Variants in EHD3 observed in about 807,000 individuals in gnomAD.
The protein encoded by EHD3 is EH domain containing 3, also known as EH domain-containing protein 3.
A neutral mutation model predicts 43.0 loss-of-function variants in EHD3; 17 were observed. That is an observed-to-expected ratio of 0.40 (90% CI 0.27 to 0.59). EHD3 has a LOEUF of 0.59. EHD3 is among the 20% of genes least tolerant of loss of function. The pLI, the probability that EHD3 is intolerant of heterozygous loss-of-function variation, is 0.49. For missense variants in EHD3, 594 were observed against 705.6 expected (o/e 0.84, Z 1.79); for synonymous variants, 313 against 289.5 (o/e 1.08, Z -0.82).
intron 1 of EHD3, among the ~76,000 whole-genome samples, chr2:31,235,800 C>T (rs192326259): frequency 4.2e-4 from 64 of 152,332 alleles, no homozygotes; most frequent in Non-Finnish European, 7.6e-4. Flanking sequence ...CCCTTCTTAT[C>T]TTTAGAGAAC....
intron 3 of EHD3, 91 bp downstream of exon 3, chr2:31,249,559 C>T (rs907619729): frequency 5.2e-6 from 6 of 1,150,838 alleles, no homozygotes; most frequent in African/African-American, 1.5e-5. Context: ...CACCCAGGGC[C>T]ATGCTGTCCC....
rs201490817 is a variant in EHD3 at position 31,266,593 on chromosome 2, C to G, written c.1497C>G (p.Asp499Glu). 6.2e-7 allele frequency: 1 copy of G among 1,614,118 alleles called. No homozygotes were observed. Among genetic ancestry groups the G allele is most frequent in the Non-Finnish European group, 8.5e-7 (1 of 1,180,030 alleles). ...ACAAGGATGGCATGCTGGACGACGA[C>G]GAGTTTGCACTGGCCAACCACCTCA... ...DIDKDGMLDDDEFALANHLIK... is the reference protein window; with the variant it reads ...DIDKDGMLDDEEFALANHLIK... Residue 499 changes from aspartate to glutamate, a missense_variant, in exon 6 of 6, where the codon GAC (aspartate) becomes GAG (glutamate). This residue lies in a region of EHD3 where 322 missense variants were observed against 348.0 expected (regional missense o/e 0.93). Coordinates refer to ENST00000322054, the MANE Select transcript of EHD3 (RefSeq NM_014600.3). This position sits in a 1 kb window ranked among gnomAD's most constrained non-coding sequence, Gnocchi z 5.1.
intron 1 of EHD3, among the ~76,000 whole-genome samples, chr2:31,242,496 C>T (rs1375667292): frequency 1.3e-5 from 2 of 152,182 alleles, no homozygotes; most frequent in Admixed American, 6.5e-5. Flanking sequence ...AATGAAATTG[C>T]CTAATACCCA....
At chr2:31,248,214 C>A (rs774797876) in intron 2 of EHD3, among the ~76,000 whole-genome samples, 7 of 152,212 alleles carry the variant, frequency 4.6e-5, no homozygotes, top group Non-Finnish European at 1.0e-4. Context: ...TGCTCCCCTT[C>A]CCTCGCTTCT....
chr2:31,264,943 AATTT>A (rs1040756273), intron 5 of EHD3, among the ~76,000 whole-genome samples: 39 of 152,260 alleles, frequency 2.6e-4, no homozygotes, highest in African/African-American at 8.7e-4. Context: ...TATTTAAAAA[AATTT>A]ATTTTTTACT....
chr2:31,244,720 A>G (rs991955983), intron 2 of EHD3, among the ~76,000 whole-genome samples: 4 of 152,148 alleles, frequency 2.6e-5, no homozygotes, highest in African/African-American at 7.2e-5. Flanking sequence ...CCCTGCACCT[A>G]CCCCTAGTAA....
chr2:31,255,417 CCA>C (rs1341028261), intron 3 of EHD3, among the ~76,000 whole-genome samples: 4 of 152,172 alleles, frequency 2.6e-5, no homozygotes, highest in Non-Finnish European at 4.4e-5. Context: ...CACAGCTCTA[CCA>C]CAGAGTCCTC....
intron 2 of EHD3, among the ~76,000 whole-genome samples, chr2:31,248,050 G>A (rs1683559889): frequency 6.6e-6 from 1 of 152,176 alleles, no homozygotes; most frequent in South Asian, 2.1e-4. Context: ...CGACAACAGG[G>A]AATGATGTTG....
chr2:31,260,289 T>G lies in EHD3; in HGVS notation c.503-221T>G, dbSNP rs559505938. ...TCTTCATAGTTCTATTAACTAGGTATTCATATTATTTTAGTATTTAACAGT... is the reference window on the plus strand; with the variant it reads ...TCTTCATAGTTCTATTAACTAGGTAGTCATATTATTTTAGTATTTAACAGT... On this transcript the variant is annotated intron_variant, in intron 3 of 5. Coordinates refer to ENST00000322054, the MANE Select transcript of EHD3 (RefSeq NM_014600.3). This position sits in a 1 kb window ranked among gnomAD's most constrained non-coding sequence, Gnocchi z 4.6. Among the ~76,000 whole-genome samples the G allele has an allele frequency of 9.8e-5, 15 of 152,348 alleles. No individual in the cohort carries two copies. The highest frequency in any genetic ancestry group is 3.4e-4 in the African/African-American group (14 of 41,568).
In EHD3 at chr2:31,243,420, T is replaced by TTTTCTTTC. The variant is rs751332290; in HGVS notation, c.228-818_228-811dup. 5.1e-3 allele frequency among the ~76,000 whole-genome samples: 687 copies of TTTTCTTTC among 135,488 alleles called. 23 individuals carry two copies. The highest frequency in any genetic ancestry group is 0.011 in the Middle Eastern group (3 of 274). 88.9% of individuals were successfully genotyped at this position (135,488 alleles called of 152,430 possible). A position where few individuals can be genotyped will look rare whatever the true frequency, so the allele number is the denominator to read the frequency against. On this transcript the variant is annotated intron_variant, in intron 1 of 5. Transcript: ENST00000322054. The stretch of plus-strand genomic sequence containing the variant: ...AGGGTAGGATAGGATGGAGATTCAT[T>TTTTCTTTC]TTTCTTTCTTTCTTTCTTTCTTTCT...
rs149497513 is a variant in EHD3, at chr2:31,238,907, G to T, written c.227+4059G>T. Among the ~76,000 whole-genome samples, 927 of 152,244 alleles carry T rather than the reference G, an allele frequency of 6.1e-3. 11 individuals carry two copies. Among genetic ancestry groups the T allele is most frequent in the African/African-American group, 0.021 (876 of 41,560 alleles). On this transcript the variant is annotated intron_variant, in intron 1 of 5. Transcript: ENST00000322054. Reference sequence around the variant, plus strand: ...GGGCCTGGGGCTGCAGAGCTAAGCTGCCCCGGGCTCCTTGGGGAGGCTGGG... The same window carrying T: ...GGGCCTGGGGCTGCAGAGCTAAGCTTCCCCGGGCTCCTTGGGGAGGCTGGG...
intron 1 of EHD3, among the ~76,000 whole-genome samples, chr2:31,242,080 C>A (rs926649376): frequency 6.6e-6 from 1 of 152,060 alleles, no homozygotes; most frequent in African/African-American, 2.4e-5. Flanking sequence ...GGCTGGCTGC[C>A]GAGGCTCCTC....
chr2:31,239,807 C>T lies in EHD3; in HGVS notation c.228-4467C>T, dbSNP rs577374545. ...AGCACCAGCTGTGCTCCAGGCACCGCGCATGGGGCTTTATCATTTCCTCTC... is the reference window on the plus strand; with the variant it reads ...AGCACCAGCTGTGCTCCAGGCACCGTGCATGGGGCTTTATCATTTCCTCTC... On this transcript the variant is annotated intron_variant, in intron 1 of 5. Transcript: ENST00000322054. Among the ~76,000 whole-genome samples the T allele has an allele frequency of 2.0e-5, 3 of 150,990 alleles. 1 individual carries two copies. The highest frequency in any genetic ancestry group is 7.3e-5 in the African/African-American group (3 of 40,888).
chr2:31,265,277 C>A (rs1683928629), intron 5 of EHD3, among the ~76,000 whole-genome samples: 1 of 152,188 alleles, frequency 6.6e-6, no homozygotes, highest in South Asian at 2.1e-4. Context: ...TAGCCGTTAT[C>A]ATTATCCGGT....
chr2:31,253,849 G>A (rs1683688266), intron 3 of EHD3, among the ~76,000 whole-genome samples: 1 of 152,280 alleles, frequency 6.6e-6, no homozygotes, highest in South Asian at 2.1e-4. Context: ...AGACAGGGAG[G>A]TGGTTCCTGG....
Position 31,266,714 on chromosome 2 carries a change from G to T in EHD3, c.*10G>T, listed in dbSNP as rs1373122767. On this transcript the variant is annotated 3_prime_UTR_variant, in exon 6 of 6. Coordinates refer to ENST00000322054, the MANE Select transcript of EHD3 (RefSeq NM_014600.3). This position sits in a 1 kb window ranked among gnomAD's most constrained non-coding sequence, Gnocchi z 5.1. ...GAAAGTTGCCGAGTGATGGGGTGGG[G>T]GGACATTCAGACGGGCAGTGTTAGA... is the stretch of plus-strand genomic sequence containing the variant. 1 of 1,585,660 alleles carries T rather than the reference G, an allele frequency of 6.3e-7. No homozygotes were observed. The highest frequency in any genetic ancestry group is 1.2e-5 in the South Asian group (1 of 86,538).
At chr2:31,245,516 T>C (rs2148717517) in intron 2 of EHD3, among the ~76,000 whole-genome samples, 1 of 146,372 alleles carries the variant, frequency 6.8e-6, no homozygotes, top group South Asian at 2.2e-4. Flanking sequence ...ATTCTCGATG[T>C]CTCTTATCCC....
intron 3 of EHD3, among the ~76,000 whole-genome samples, chr2:31,250,704 A>C (rs1245968316): frequency 6.6e-6 from 1 of 152,012 alleles, no homozygotes; most frequent in Non-Finnish European, 1.5e-5. Flanking sequence ...TCTCTGTGCC[A>C]TGTGTTGTAT....
At chr2:31,245,491 C>A (rs1387383932) in intron 2 of EHD3, among the ~76,000 whole-genome samples, 4 of 147,606 alleles carry the variant, frequency 2.7e-5, no homozygotes, top group African/African-American at 1.0e-4. Flanking sequence ...GAAGTTGAGG[C>A]TCATTGCCCA....
Sources: gnomAD v4.1 joint callset for allele counts (sites outside exome capture counted in the v4.1 genomes callset) on GRCh38, gnomAD v4.1.1 for gene constraint, gnomAD v4.1.1 regional missense constraint, Gnocchi (gnomAD v3.1) non-coding constraint, MANE v1.5 for transcripts, NCBI Gene and HGNC (gene_info 2026-07-23, HGNC 2026-07-21) for gene names.